Variants in BRINP3 observed in about 807,000 individuals in gnomAD.
The protein encoded by BRINP3 is BMP/retinoic acid-inducible neural-specific protein 3.
Under a neutral mutation model 71.0 loss-of-function variants are expected in BRINP3, and 19 were observed. The observed-to-expected ratio is 0.27, with a 90% confidence interval of 0.19 to 0.39. The LOEUF is 0.39. BRINP3 is among the 10% of genes least tolerant of loss of function. BRINP3 has a pLI of 1.00. For synonymous variants in BRINP3, 380 were observed against 337.7 expected (o/e 1.13, Z -1.37); for missense variants, 959 against 940.8 (o/e 1.02, Z -0.25).
intron 2 of BRINP3, among the ~76,000 whole-genome samples, chr1:190,300,337 C>T (rs1397533270): frequency 1.3e-5 from 2 of 152,092 alleles, no homozygotes; most frequent in South Asian, 2.1e-4. Flanking sequence ...TCCAGTTGAT[C>T]GCATCGGCTC....
chr1:190,255,923 C>T (rs561668174), intron 4 of BRINP3, among the ~76,000 whole-genome samples: 1 of 152,268 alleles, frequency 6.6e-6, no homozygotes, highest in Admixed American at 6.5e-5. Flanking sequence ...AAATTTCCCT[C>T]TACACACTGC....
intron 2 of BRINP3, among the ~76,000 whole-genome samples, chr1:190,314,250 C>T (rs769394609): frequency 1.3e-5 from 2 of 152,012 alleles, no homozygotes; most frequent in Non-Finnish European, 2.9e-5. Context: ...AAAATAATAA[C>T]GTAGCCTGGG....
At chr1:190,313,580 A>T (rs1261699677) in intron 2 of BRINP3, among the ~76,000 whole-genome samples, 3 of 152,106 alleles carry the variant, frequency 2.0e-5, no homozygotes, top group African/African-American at 7.2e-5. Context: ...ACATTTTGCA[A>T]ATTTTTATTC....
intron 6 of BRINP3, among the ~76,000 whole-genome samples, chr1:190,203,421 GTATA>G (rs369786185): frequency 2.1e-5 from 3 of 144,856 alleles, no homozygotes; most frequent in East Asian, 4.1e-4. Context: ...ATGTGTGTGT[GTATA>G]TATATATATA....
chr1:190,476,794 A>G (rs1358510276), intron 1 of BRINP3, among the ~76,000 whole-genome samples: 2 of 152,212 alleles, frequency 1.3e-5, no homozygotes, highest in Admixed American at 1.3e-4. Flanking sequence ...ACTGACAAAT[A>G]CTATGCCTGA....
chr1:190,298,225 T>C (rs1318048242), intron 2 of BRINP3, among the ~76,000 whole-genome samples: 2 of 152,164 alleles, frequency 1.3e-5, no homozygotes, highest in Non-Finnish European at 2.9e-5. Flanking sequence ...ATTTGTCTAC[T>C]GTCTTTTTTT....
At chr1:190,213,389 A>C (rs1007117287) in intron 6 of BRINP3, among the ~76,000 whole-genome samples, 1 of 152,108 alleles carries the variant, frequency 6.6e-6, no homozygotes, top group Non-Finnish European at 1.5e-5. Flanking sequence ...TAATATTTCA[A>C]GGTGTGCTTC....
chr1:190,457,136 C>A (rs1256771947), intron 1 of BRINP3, among the ~76,000 whole-genome samples: 1 of 152,036 alleles, frequency 6.6e-6, no homozygotes, highest in Middle Eastern at 3.2e-3. Context: ...AGAGCCAAAC[C>A]GCTGATGTTA....
At chr1:190,203,423 ATATATATATATATATGTATGTGTGTGTG>A (rs1378241921) in intron 6 of BRINP3, among the ~76,000 whole-genome samples, 2 of 142,110 alleles carry the variant, frequency 1.4e-5, no homozygotes, top group Admixed American at 7.1e-5. Flanking sequence ...GTGTGTGTGT[ATATATATATATATATGTATGTGTGTGTG>A]TATATATATA....
chr1:190,414,084 C>T (rs1240191311), intron 2 of BRINP3, among the ~76,000 whole-genome samples: 2 of 151,920 alleles, frequency 1.3e-5, no homozygotes, highest in African/African-American at 2.4e-5. Context: ...CCCTACCTGG[C>T]CTGATTTATT....
At chr1:190,242,312 A>T (rs930725602) in intron 4 of BRINP3, among the ~76,000 whole-genome samples, 1 of 152,044 alleles carries the variant, frequency 6.6e-6, no homozygotes, top group Non-Finnish European at 1.5e-5. Context: ...TTGCATCTCA[A>T]CACAAAAGTA....
At chr1:190,298,865 TTCA>T (rs1194556293) in intron 2 of BRINP3, among the ~76,000 whole-genome samples, 1 of 152,168 alleles carries the variant, frequency 6.6e-6, no homozygotes, top group African/African-American at 2.4e-5. Flanking sequence ...TTGCTGACTT[TTCA>T]TCAAGTTGTT....
intron 7 of BRINP3, among the ~76,000 whole-genome samples, chr1:190,158,491 T>C (rs543527407): frequency 6.6e-6 from 1 of 152,156 alleles, no homozygotes; most frequent in South Asian, 2.1e-4. Context: ...GGGCCAATTA[T>C]TGAAAACCAC....
chr1:190,278,908 T>C (rs904850826), intron 3 of BRINP3, among the ~76,000 whole-genome samples: 2 of 151,294 alleles, frequency 1.3e-5, no homozygotes, highest in African/African-American at 4.8e-5. Context: ...GGCCAAAATG[T>C]GGCATCCACC....
intron 6 of BRINP3, among the ~76,000 whole-genome samples, chr1:190,188,157 C>A (rs2102561157): frequency 6.6e-6 from 1 of 151,782 alleles, no homozygotes; most frequent in African/African-American, 2.4e-5. Flanking sequence ...TTTAAAATTT[C>A]TTTTTTAGAG....
intron 2 of BRINP3, among the ~76,000 whole-genome samples, chr1:190,322,803 A>G (rs1571744885): frequency 6.6e-6 from 1 of 152,096 alleles, no homozygotes; most frequent in Non-Finnish European, 1.5e-5. Flanking sequence ...TTTTAGTTCT[A>G]CACTGTATGA....
At chr1:190,393,836 A>G (rs914885692) in intron 2 of BRINP3, among the ~76,000 whole-genome samples, 8 of 151,696 alleles carry the variant, frequency 5.3e-5, no homozygotes, top group African/African-American at 1.9e-4. Flanking sequence ...TTGTGCACTC[A>G]CCGCAGAATT....
intron 6 of BRINP3, among the ~76,000 whole-genome samples, chr1:190,176,330 G>T (rs1224807832): frequency 6.6e-6 from 1 of 152,106 alleles, no homozygotes; most frequent in African/African-American, 2.4e-5. Context: ...CCATTGGTCT[G>T]CAAGTTGATT....
chr1:190,434,312 C>G (rs1251487841), intron 2 of BRINP3, among the ~76,000 whole-genome samples: 1 of 151,688 alleles, frequency 6.6e-6, no homozygotes, highest in Non-Finnish European at 1.5e-5. Context: ...GTTTCACCAT[C>G]TTGGCCAGGC....
Sources: gnomAD v4.1 joint callset for allele counts (sites outside exome capture counted in the v4.1 genomes callset) on GRCh38, gnomAD v4.1.1 for gene constraint, MANE v1.5 for transcripts, NCBI Gene and HGNC (gene_info 2026-07-23, HGNC 2026-07-21) for gene names.